TRAF1: variants seen among roughly 807,000 people sequenced by gnomAD.
TRAF1 encodes the protein TNF receptor-associated factor 1.
A neutral mutation model predicts 40.9 loss-of-function variants in TRAF1; 23 were observed. The observed-to-expected ratio is 0.56, with a 90% CI of 0.40 to 0.80. TRAF1 has a LOEUF of 0.80. Among genes scored for constraint, TRAF1 ranks in the 30% least tolerant of loss-of-function variants. The pLI is 0.00. For missense variants in TRAF1, 477 were observed against 528.7 expected (o/e 0.90, Z 0.96); for synonymous variants, 206 against 218.8 (o/e 0.94, Z 0.52).
intron 2 of TRAF1, among the ~76,000 whole-genome samples, chr9:120,924,574 C>T (rs1236367887): frequency 6.6e-6 from 1 of 152,118 alleles, no homozygotes; most frequent in African/African-American, 2.4e-5. Context: ...ACCACCACAC[C>T]CAGCTAATTC....
At chr9:120,910,969 C>T (rs938243615) in intron 6 of TRAF1, among the ~76,000 whole-genome samples, 3 of 152,252 alleles carry the variant, frequency 2.0e-5, no homozygotes, top group African/African-American at 7.2e-5. Context: ...TCATCCACAT[C>T]CATCTCATCT....
intron 3 of TRAF1, among the ~76,000 whole-genome samples, chr9:120,915,441 T>G (rs1240885105): frequency 1.3e-5 from 2 of 152,226 alleles, no homozygotes; most frequent in African/African-American, 4.8e-5. Flanking sequence ...GGTCTGGTGT[T>G]GACTGCTACA....
At chr9:120,913,008 C>T (rs1165211969) in intron 5 of TRAF1, among the ~76,000 whole-genome samples, 1 of 152,150 alleles carries the variant, frequency 6.6e-6, no homozygotes, top group African/African-American at 2.4e-5. Flanking sequence ...AGGGAAGAGA[C>T]AGGCTGATTT....
At chr9:120,908,749 G>A (rs1466360903) in intron 7 of TRAF1, among the ~76,000 whole-genome samples, 1 of 152,042 alleles carries the variant, frequency 6.6e-6, no homozygotes. Context: ...TAGTAGAGAC[G>A]GGGTCTCACC....
intron 7 of TRAF1, among the ~76,000 whole-genome samples, chr9:120,905,896 C>T (rs974883998): frequency 2.0e-5 from 3 of 152,228 alleles, no homozygotes; most frequent in African/African-American, 4.8e-5. Context: ...CACATTAGGA[C>T]CCCCTGCGGA....
chr9:120,929,142 G>C (rs908604240), upstream of TRAF1: 1 of 152,422 alleles, frequency 6.6e-6, no homozygotes, highest in Non-Finnish European at 1.5e-5. The surrounding 1 kb of genome is among the most constrained non-coding windows in gnomAD (Gnocchi z 4.5). Flanking sequence ...ACCGCCTACC[G>C]GCGGCCAGGC....
rs1481672459 is a variant in TRAF1 at position 120,911,518 on chromosome 9, A to T, written c.706-5T>A. ...GGTCTGCTGAAGCTCCACCACCTGT[A>T]GGGAAGACTGTTCAGCCAGGAACAC... On this transcript the variant is annotated splice_region_variant and splice_polypyrimidine_tract_variant and intron_variant, in intron 5 of 7. Transcript: ENST00000373887. The T allele has an allele frequency of 2.5e-6, 4 of 1,606,880 alleles. No individual in the cohort carries two copies. Among genetic ancestry groups the T allele is most frequent in the Non-Finnish European group, 3.4e-6 (4 of 1,175,038 alleles).
chr9:120,924,000 GC>G (rs1445066966), intron 2 of TRAF1, among the ~76,000 whole-genome samples: 1 of 152,170 alleles, frequency 6.6e-6, no homozygotes, highest in Non-Finnish European at 1.5e-5. Context: ...TGCCAAACCT[GC>G]CGTGACTGCA....
At chr9:120,917,281 C>T (rs1382340889) in intron 3 of TRAF1, among the ~76,000 whole-genome samples, 2 of 152,088 alleles carry the variant, frequency 1.3e-5, no homozygotes, top group African/African-American at 4.8e-5. Context: ...ATTATTCATT[C>T]CTTAGAGTGC....
Position 120,902,955 on chromosome 9 carries a change from TG to T in TRAF1, c.*2064del, listed in dbSNP as rs1442270810. On this transcript the variant is annotated 3_prime_UTR_variant, in exon 8 of 8. Coordinates refer to ENST00000373887, the MANE Select transcript of TRAF1 (RefSeq NM_005658.5). ...CTCTTTGAAGAGAGTATGTATCTCTTGCCATCAGAAATAGGCAATCAAAAGT... is the reference window on the plus strand; with the variant it reads ...CTCTTTGAAGAGAGTATGTATCTCTTCCATCAGAAATAGGCAATCAAAAGT... The T allele has an allele frequency of 6.6e-6, 1 of 152,218 alleles. No homozygotes were observed. The highest frequency in any genetic ancestry group is 1.5e-5 in the Non-Finnish European group (1 of 68,040). 9.4% of individuals were successfully genotyped at this position (152,218 alleles called of 1,614,324 possible). A position where few individuals can be genotyped will look rare whatever the true frequency, so the allele number is the denominator to read the frequency against.
chr9:120,909,349 A>G lies in TRAF1; in HGVS notation c.913T>C (p.Leu305=). The change falls in exon 7 of 8, where the codon TTG becomes CTG. Residue 305 remains leucine, a synonymous_variant. Transcript: ENST00000373887. The part of the protein sequence containing the change: ...AFYTAKYGYK[L]CLRLYLNGDG... ...CCATTCAGGTACAGCCGCAGGCACA[A>G]CTTGTAGCCATACTTGGCAGTGTAG... is the stretch of plus-strand genomic sequence containing the variant. 6.2e-7 allele frequency: 1 copy of G among 1,614,132 alleles called. No individual in the cohort carries two copies. The highest frequency in any genetic ancestry group is 1.1e-5 in the South Asian group (1 of 91,084).
intron 7 of TRAF1, among the ~76,000 whole-genome samples, chr9:120,908,168 C>T (rs1343695544): frequency 6.6e-6 from 1 of 151,872 alleles, no homozygotes; most frequent in Admixed American, 6.6e-5. Context: ...CCTGTATATG[C>T]GAAAGTATAT....
At chr9:120,916,053 C>A (rs879918135) in intron 3 of TRAF1, among the ~76,000 whole-genome samples, 1 of 152,072 alleles carries the variant, frequency 6.6e-6, no homozygotes, top group African/African-American at 2.4e-5. Flanking sequence ...TCAAAGCAAC[C>A]CAAATGTGTC....
At position 120,903,375 on chromosome 9, in the gene TRAF1, C is replaced by T. The variant is rs1228989645; in HGVS notation, c.*1645G>A. On this transcript the variant is annotated 3_prime_UTR_variant, in exon 8 of 8. Transcript: ENST00000373887. Reference sequence around the variant, plus strand: ...TCTTCAGCTGAAGGACTAAGCATGACAGGATGCCAGGCTTAGAGCCCAGCT... The same window carrying T: ...TCTTCAGCTGAAGGACTAAGCATGATAGGATGCCAGGCTTAGAGCCCAGCT... 1 of 152,278 alleles carries T rather than the reference C, an allele frequency of 6.6e-6. No individual in the cohort carries two copies. The highest frequency in any genetic ancestry group is 1.5e-5 in the Non-Finnish European group (1 of 68,102). The allele number at this position is 152,278 out of a possible 1,614,324, so 9.4% of individuals were successfully genotyped here.
rs1044788268 is a variant in TRAF1, at chr9:120,902,958, C to T, written c.*2062G>A. ...TTTGAAGAGAGTATGTATCTCTTGC[C>T]ATCAGAAATAGGCAATCAAAAGTGT... On this transcript the variant is annotated 3_prime_UTR_variant, in exon 8 of 8. Coordinates refer to ENST00000373887, the MANE Select transcript of TRAF1 (RefSeq NM_005658.5). 1 of 152,180 alleles carries T rather than the reference C, an allele frequency of 6.6e-6. No individual in the cohort carries two copies. The highest frequency in any genetic ancestry group is 2.4e-5 in the African/African-American group (1 of 41,428). 9.4% of individuals were successfully genotyped at this position (152,180 alleles called of 1,614,324 possible).
chr9:120,928,474 C>T (rs1386520296), upstream of TRAF1: 1 of 152,616 alleles, frequency 6.6e-6, no homozygotes, highest in Non-Finnish European at 1.5e-5. Context: ...GCCCTTCCTT[C>T]CGGAATCCCT....
In TRAF1 at chr9:120,904,846, G is replaced by T; in HGVS notation, c.*174C>A. On this transcript the variant is annotated 3_prime_UTR_variant, in exon 8 of 8. Coordinates refer to ENST00000373887, the MANE Select transcript of TRAF1 (RefSeq NM_005658.5). The stretch of plus-strand genomic sequence containing the variant: ...CTTTGCCTTTGTGGGCCCAGCCCAC[G>T]TCCTGCCATCCTAACCAGATGGCCA... 1 of 672,948 alleles carries T rather than the reference G, an allele frequency of 1.5e-6. No homozygotes were observed. The highest frequency in any genetic ancestry group is 2.5e-6 in the Non-Finnish European group (1 of 401,850). The allele number at this position is 672,948 out of a possible 1,614,324, so 41.7% of individuals were successfully genotyped here.
chr9:120,908,054 A>C (rs2046495939), intron 7 of TRAF1, among the ~76,000 whole-genome samples: 1 of 152,034 alleles, frequency 6.6e-6, no homozygotes, highest in Non-Finnish European at 1.5e-5. Flanking sequence ...CACCACGCCC[A>C]GCTGATGGTT....
chr9:120,922,539 A>T (rs2046612047), intron 3 of TRAF1, among the ~76,000 whole-genome samples: 1 of 152,180 alleles, frequency 6.6e-6, no homozygotes, highest in African/African-American at 2.4e-5. Flanking sequence ...CATGTAACCT[A>T]TGAGGGTCCT....
Sources: gnomAD v4.1 joint callset for allele counts (sites outside exome capture counted in the v4.1 genomes callset) on GRCh38, gnomAD v4.1.1 for gene constraint, Gnocchi (gnomAD v3.1) non-coding constraint, MANE v1.5 for transcripts, NCBI Gene and HGNC (gene_info 2026-07-23, HGNC 2026-07-21) for gene names.